Variants in MTMR3 observed in about 807,000 individuals in gnomAD.
The protein encoded by MTMR3 is myotubularin related protein 3.
A neutral mutation model predicts 132.4 loss-of-function variants in MTMR3; 32 were observed. The ratio of observed to expected loss-of-function variants is 0.24; its 90% CI spans 0.18 to 0.32. The LOEUF (loss-of-function observed/expected upper bound fraction) is 0.32. Ranked by LOEUF, MTMR3 falls within the 10% of genes least tolerant of loss-of-function variation. MTMR3 has a pLI of 1.00. For missense variants in MTMR3, 1,216 were observed against 1,489.6 expected, an observed-to-expected ratio of 0.82 and a Z score of 3.02; for synonymous variants, 556 against 550.3, an observed-to-expected ratio of 1.01 and a Z score of -0.14.
chr22:29,896,265 A>AT (rs2064893630), intron 1 of MTMR3, among the ~76,000 whole-genome samples: 1 of 152,206 alleles, frequency 6.6e-6, no homozygotes, highest in Admixed American at 6.5e-5. Flanking sequence ...AGCCCAGATC[A>AT]CACCACTGCA....
chr22:29,894,308 A>T (rs2064852753), intron 1 of MTMR3, among the ~76,000 whole-genome samples: 2 of 152,118 alleles, frequency 1.3e-5, no homozygotes, highest in African/African-American at 4.8e-5. Flanking sequence ...GCTGATTTGA[A>T]CTTTATCATT....
intron 19 of MTMR3, chr22:30,024,317 G>A (rs1569057390): frequency 6.6e-6 from 1 of 152,178 alleles, no homozygotes; most frequent in Non-Finnish European, 1.5e-5. Context: ...GTAAAGAAAA[G>A]AAAGAAAAGC....
Position 30,030,628 on chromosome 22 carries a change from G to A in MTMR3, c.*4827G>A, listed in dbSNP as rs938342460. 8.7e-6 allele frequency: 1 copy of A among 114,322 alleles called. No individual in the cohort carries two copies. Among genetic ancestry groups the A allele is most frequent in the Non-Finnish European group, 1.8e-5 (1 of 56,908 alleles). The allele number at this position is 114,322 out of a possible 1,614,324, so 7.1% of individuals were successfully genotyped here. A position where few individuals can be genotyped will look rare whatever the true frequency, so the allele number is the denominator to read the frequency against. ...CTCTTAGGAGAGAGGGGCTCTCAGC[G>A]AGGAGGGGGCGGGGGGGGGGTCACT... On this transcript the variant is annotated 3_prime_UTR_variant, in exon 20 of 20. Coordinates refer to ENST00000401950, the MANE Select transcript of MTMR3 (RefSeq NM_021090.4).
At chr22:29,970,946 C>G in intron 2 of MTMR3, 30 bp from the exon 3 acceptor site, 9 of 297,386 alleles carry the variant, frequency 3.0e-5, no homozygotes, top group East Asian at 1.1e-4. Flanking sequence ...TTTTTTTTTT[C>G]TTCTTCCCCC....
At chr22:29,925,529 A>G (rs1327945989) in intron 1 of MTMR3, among the ~76,000 whole-genome samples, 2 of 151,516 alleles carry the variant, frequency 1.3e-5, no homozygotes, top group South Asian at 2.1e-4. Context: ...GAATGTAAAA[A>G]TAATACCTAC....
At chr22:30,013,150 T>C (rs1347516379) in intron 13 of MTMR3, 1 of 433,986 alleles carries the variant, frequency 2.3e-6, no homozygotes, top group African/African-American at 2.0e-5. Context: ...AGTACCATTT[T>C]AGTGATCATG....
intron 1 of MTMR3, among the ~76,000 whole-genome samples, chr22:29,930,433 C>T (rs1262565038): frequency 6.6e-6 from 1 of 152,168 alleles, no homozygotes; most frequent in Non-Finnish European, 1.5e-5. Context: ...TGGCCAGGTG[C>T]AGTGGCTCAT....
chr22:29,945,721 A>G (rs1390344464), intron 1 of MTMR3, among the ~76,000 whole-genome samples: 3 of 151,206 alleles, frequency 2.0e-5, no homozygotes, highest in South Asian at 2.1e-4. Context: ...TGAAAAAGAA[A>G]AAAAAAAAAA....
At chr22:29,928,892 G>A (rs2065582490) in intron 1 of MTMR3, among the ~76,000 whole-genome samples, 1 of 152,156 alleles carries the variant, frequency 6.6e-6, no homozygotes, top group Admixed American at 6.5e-5. Context: ...GAGTTACTTG[G>A]CTATATGGAA....
intron 1 of MTMR3, among the ~76,000 whole-genome samples, chr22:29,917,690 C>T (rs1175046381): frequency 6.6e-6 from 1 of 152,186 alleles, no homozygotes; most frequent in Non-Finnish European, 1.5e-5. Context: ...GGAATAGTGC[C>T]AGTATTTATT....
chr22:29,919,889 C>T (rs2065376947), intron 1 of MTMR3, among the ~76,000 whole-genome samples: 1 of 152,084 alleles, frequency 6.6e-6, no homozygotes, highest in African/African-American at 2.4e-5. Flanking sequence ...AGTATTTTTA[C>T]ATGTATTTCA....
intron 1 of MTMR3, among the ~76,000 whole-genome samples, chr22:29,945,725 A>AAG (rs1202589814): frequency 6.6e-6 from 1 of 151,552 alleles, no homozygotes; most frequent in African/African-American, 2.4e-5. Context: ...AAAGAAAAAA[A>AAG]AAAAAAAAAT....
chr22:29,968,222 C>T (rs1423762688), intron 2 of MTMR3, among the ~76,000 whole-genome samples: 1 of 152,160 alleles, frequency 6.6e-6, no homozygotes, highest in African/African-American at 2.4e-5. Flanking sequence ...GGGGGTTTCA[C>T]CTTCACATTC....
intron 10 of MTMR3, chr22:30,007,545 A>G: frequency 1.7e-6 from 1 of 594,914 alleles, no homozygotes; most frequent in South Asian, 2.0e-5. Context: ...CTTTCTTGCC[A>G]TTGTGACAAA....
intron 5 of MTMR3, chr22:29,979,256 G>T (rs2066691203): frequency 2.6e-6 from 1 of 385,824 alleles, no homozygotes; most frequent in Non-Finnish European, 4.9e-6. Flanking sequence ...ACTTTGGGAG[G>T]CCAAGGCAGG....
chr22:29,961,268 G>T (rs1167083842), intron 2 of MTMR3, among the ~76,000 whole-genome samples: 1 of 152,086 alleles, frequency 6.6e-6, no homozygotes, highest in Non-Finnish European at 1.5e-5. Flanking sequence ...CATAGATATG[G>T]ATAAGGGTGG....
At chr22:29,895,942 A>G (rs1055182494) in intron 1 of MTMR3, among the ~76,000 whole-genome samples, 4 of 152,234 alleles carry the variant, frequency 2.6e-5, no homozygotes, top group African/African-American at 7.2e-5. Flanking sequence ...TACGTAGAAT[A>G]AGAGAAGACA....
At chr22:29,929,974 G>C (rs1229088847) in intron 1 of MTMR3, among the ~76,000 whole-genome samples, 1 of 152,164 alleles carries the variant, frequency 6.6e-6, no homozygotes, top group African/African-American at 2.4e-5. Context: ...AAGAGCCCTA[G>C]TAACTGTGGA....
intron 2 of MTMR3, among the ~76,000 whole-genome samples, chr22:29,962,349 C>A (rs2066328818): frequency 1.3e-5 from 2 of 152,110 alleles, no homozygotes. Flanking sequence ...TCACCACAGT[C>A]CATTTTAGGA....
Sources: gnomAD v4.1 joint callset for allele counts (sites outside exome capture counted in the v4.1 genomes callset) on GRCh38, gnomAD v4.1.1 for gene constraint, MANE v1.5 for transcripts, NCBI Gene and HGNC (gene_info 2026-07-23, HGNC 2026-07-21) for gene names.